ZNF638: variants seen among roughly 807,000 people sequenced by gnomAD.
ZNF638 encodes CTCL tumor antigen se33-1.
ZNF638 carries 46 observed loss-of-function variants against 195.6 expected under a neutral mutation model. That is an observed-to-expected ratio of 0.24 (90% CI 0.19 to 0.30). ZNF638 has a LOEUF of 0.30. ZNF638 is among the 10% of genes least tolerant of loss of function. The pLI, the probability that ZNF638 is intolerant of heterozygous loss-of-function variation, is 1.00. For missense variants in ZNF638, 2,440 were observed against 2,325.3 expected, an observed-to-expected ratio of 1.05 and a Z score of -1.01; for synonymous variants, 845 against 772.0, an observed-to-expected ratio of 1.09 and a Z score of -1.57.
At chr2:71,359,322 C>A (rs761893608) in intron 3 of ZNF638, among the ~76,000 whole-genome samples, 1 of 152,118 alleles carries the variant, frequency 6.6e-6, no homozygotes, top group South Asian at 2.1e-4. Flanking sequence ...GCCCTATAGC[C>A]CCAGGAGCCT....
chr2:71,401,936 T>C lies in ZNF638; in HGVS notation c.2698-20T>C. The C allele has an allele frequency of 1.3e-6, 2 of 1,544,050 alleles. No homozygotes were observed. Among genetic ancestry groups the C allele is most frequent in the Non-Finnish European group, 1.7e-6 (2 of 1,144,808 alleles). On this transcript the variant is annotated intron_variant, in intron 15 of 27. Coordinates refer to ENST00000264447, the MANE Select transcript of ZNF638 (RefSeq NM_014497.5). ...AAACAAAGAAATTTTAATAACAGGT[T>C]TTAAAAATTTGTTTTGAAGGAAACA...
chr2:71,351,576 TTTAA>T (rs1229735865), intron 2 of ZNF638, among the ~76,000 whole-genome samples: 2 of 152,206 alleles, frequency 1.3e-5, no homozygotes, highest in Non-Finnish European at 2.9e-5. Context: ...ATTTTGAACT[TTTAA>T]TTAATCATAA....
intron 12 of ZNF638, 41 bp from the exon 13 acceptor site, chr2:71,399,518 A>T: frequency 1.4e-6 from 2 of 1,425,520 alleles, no homozygotes; most frequent in South Asian, 1.2e-5. Context: ...TAAATGATTT[A>T]ACAAGACCTT....
chr2:71,348,895 G>T lies in ZNF638; in HGVS notation c.-60G>T. Reference sequence around the variant, plus strand: ...GGCGCTTCAGCAGCTGAATGCCGTTGCCTCACATGGTTCAACACCACCTTA... The same window carrying T: ...GGCGCTTCAGCAGCTGAATGCCGTTTCCTCACATGGTTCAACACCACCTTA... On this transcript the variant is annotated 5_prime_UTR_variant, in exon 2 of 28. Transcript: ENST00000264447. The T allele has an allele frequency of 6.2e-7, 1 of 1,613,922 alleles. No homozygotes were observed. Among genetic ancestry groups the T allele is most frequent in the Non-Finnish European group, 8.5e-7 (1 of 1,179,996 alleles).
intron 2 of ZNF638, among the ~76,000 whole-genome samples, chr2:71,350,919 G>C (rs1201613938): frequency 6.6e-6 from 1 of 152,152 alleles, no homozygotes; most frequent in Non-Finnish European, 1.5e-5. Flanking sequence ...AAATAAAGAT[G>C]ATTTAGGTAG....
intron 10 of ZNF638, chr2:71,388,383 A>T (rs2079690431): frequency 3.2e-6 from 2 of 632,820 alleles, no homozygotes; most frequent in African/African-American, 3.6e-5. Context: ...CCGACCTTTG[A>T]TCATCTGACC....
intron 23 of ZNF638, among the ~76,000 whole-genome samples, chr2:71,425,343 A>AAGGATTATGGCTACTAAAGCAGAAG (rs1558885774): frequency 1.3e-5 from 2 of 151,978 alleles, no homozygotes; most frequent in East Asian, 1.9e-4. Context: ...TAAAGCAGAA[A>AAGGATTATGGCTACTAAAGCAGAAG]TAAGGATTAT....
At position 71,428,528 on chromosome 2, in the gene ZNF638, T is replaced by G; in HGVS notation, c.5546-19T>G. The G allele has an allele frequency of 2.5e-6, 4 of 1,592,756 alleles. No homozygotes were observed. The highest frequency in any genetic ancestry group is 3.4e-6 in the Non-Finnish European group (4 of 1,162,770). On this transcript the variant is annotated intron_variant, in intron 24 of 27. Coordinates refer to ENST00000264447, the MANE Select transcript of ZNF638 (RefSeq NM_014497.5). The stretch of plus-strand genomic sequence containing the variant: ...AAATACTGTTACTAGAGCAATAAAT[T>G]AGGACTTTCTTTTTAAAGCTAAAAC...
rs2080547836 is a variant in ZNF638 at position 71,426,743 on chromosome 2, T to C, written c.4874T>C (p.Ile1625Thr). The change falls in exon 24 of 28, where the codon ATT becomes ACT. Residue 1625 changes from isoleucine to threonine, a missense_variant. This residue lies in a region of ZNF638 where 1,883 missense variants were observed against 1,739.1 expected (regional missense o/e 1.08). Transcript: ENST00000264447. Reference sequence around the variant, plus strand: ...GCTCTAGTCACTGTGGATGAAGTAATTGATGAAGAAGAACTAAATATGGAA... The same window carrying C: ...GCTCTAGTCACTGTGGATGAAGTAACTGATGAAGAAGAACTAAATATGGAA... Reference protein sequence around the residue: ...AQALVTVDEVIDEEELNMEEM... With the variant: ...AQALVTVDEVTDEEELNMEEM... 1 of 1,613,930 alleles carries C rather than the reference T, an allele frequency of 6.2e-7. No homozygotes were observed. The highest frequency in any genetic ancestry group is 1.7e-5 in the Admixed American group (1 of 59,976).
chr2:71,397,982 G>T (rs190366809), intron 11 of ZNF638, among the ~76,000 whole-genome samples: 1 of 152,200 alleles, frequency 6.6e-6, no homozygotes, highest in African/African-American at 2.4e-5. Flanking sequence ...ATTAGGAGCC[G>T]TGGAAGTGTG....
At position 71,423,248 on chromosome 2, in the gene ZNF638, C is replaced by G. The variant is rs1418339323; in HGVS notation, c.3734C>G (p.Ser1245Cys). The change falls in exon 22 of 28, where the codon TCT becomes TGT. Residue 1245 changes from serine to cysteine, a missense_variant. By Grantham distance (112) the Ser-to-Cys change is moderately radical (BLOSUM62 -1). Around this residue, in one of 5 missense-constraint regions of ZNF638, gnomAD observed 1,883 missense variants for 1,739.1 expected, o/e 1.08. Transcript: ENST00000264447. ...NLKGILEESP[S>C]EAEDFISGIT... ...AAAGGAATTCTAGAAGAATCTCCAT[C>G]TGAAGCAGAAGATTTCATTTCTGGA... The G allele has an allele frequency of 6.2e-7, 1 of 1,614,060 alleles. No individual in the cohort carries two copies. Among genetic ancestry groups the G allele is most frequent in the South Asian group, 1.1e-5 (1 of 91,076 alleles).
rs535491040 is a variant in ZNF638, at chr2:71,433,539, A to G, written c.5871+256A>G. ...CATATGACACTCCATTATTAAAGTA[A>G]GAAACTGCATGTTTTGATGCCCTCT... On this transcript the variant is annotated intron_variant, in intron 27 of 27. Coordinates refer to ENST00000264447, the MANE Select transcript of ZNF638 (RefSeq NM_014497.5). 7 of 332,044 alleles carry G rather than the reference A, an allele frequency of 2.1e-5. No homozygotes were observed. The East Asian group carries it at 3.9e-4, about 19-fold the overall frequency. 20.6% of individuals were successfully genotyped at this position (332,044 alleles called of 1,614,324 possible). A position where few individuals can be genotyped will look rare whatever the true frequency, so the allele number is the denominator to read the frequency against.
rs2079156292 is a variant in ZNF638 at position 71,364,186 on chromosome 2, GGTA to G, written c.1654_1656del (p.Ser552del). 6.2e-7 allele frequency: 1 copy of G among 1,614,048 alleles called. No individual in the cohort carries two copies. The highest frequency in any genetic ancestry group is 8.5e-7 in the Non-Finnish European group (1 of 1,180,040). On this transcript the variant is annotated inframe_deletion, in exon 5 of 28. Coordinates refer to ENST00000264447, the MANE Select transcript of ZNF638 (RefSeq NM_014497.5). ...ATATCGAATTAGAAATCCATTTAGA[GGTA>G]GTCCAAAATGCTTTCGATCAGTTAG...
intron 8 of ZNF638, among the ~76,000 whole-genome samples, chr2:71,370,909 G>C (rs1038885014): frequency 6.6e-6 from 1 of 151,990 alleles, no homozygotes; most frequent in Admixed American, 6.6e-5. Flanking sequence ...TGTTGCGCTA[G>C]CTAATACTGG....
intron 21 of ZNF638, among the ~76,000 whole-genome samples, chr2:71,419,752 G>C (rs2080385330): frequency 6.6e-6 from 1 of 152,148 alleles, no homozygotes; most frequent in South Asian, 2.1e-4. Flanking sequence ...CGTTAACTCT[G>C]TGGCAAAACC....
intron 10 of ZNF638, among the ~76,000 whole-genome samples, chr2:71,390,711 G>T (rs1408075328): frequency 6.6e-6 from 1 of 152,078 alleles, no homozygotes; most frequent in East Asian, 1.9e-4. Context: ...AATTTTACTG[G>T]CTTATAGGAT....
intron 1 of ZNF638, among the ~76,000 whole-genome samples, chr2:71,332,360 C>T (rs1443985049): frequency 2.0e-5 from 3 of 152,220 alleles, no homozygotes; most frequent in Non-Finnish European, 1.5e-5. Context: ...GCCCTCTGAC[C>T]AGCGACATTG....
intron 4 of ZNF638, among the ~76,000 whole-genome samples, 186 bp from the exon 5 acceptor site, chr2:71,363,768 T>G (rs542708337): frequency 6.6e-6 from 1 of 152,386 alleles, no homozygotes; most frequent in South Asian, 2.1e-4. Context: ...CTGTTCTGAT[T>G]GTTTCTTATT....
At chr2:71,350,761 CTA>C (rs1473161467) in intron 2 of ZNF638, among the ~76,000 whole-genome samples, 19 of 152,102 alleles carry the variant, frequency 1.2e-4, no homozygotes, top group African/African-American at 4.6e-4. Flanking sequence ...TTTATGTAGA[CTA>C]GTGATTTTTA....
Sources: allele counts gnomAD v4.1 joint callset (sites outside exome capture counted in the v4.1 genomes callset), GRCh38; gene constraint gnomAD v4.1.1; regional missense constraint gnomAD v4.1.1; transcripts MANE v1.5; gene names NCBI Gene and HGNC (gene_info 2026-07-23, HGNC 2026-07-21).